SLC39A11: variants seen among roughly 807,000 people sequenced by gnomAD.
SLC39A11 encodes the protein solute carrier family 39 member 11, also known as zinc transporter ZIP11.
Under a neutral mutation model 36.1 loss-of-function variants are expected in SLC39A11, and 33 were observed. The observed-to-expected ratio is 0.91, with a 90% CI of 0.69 to 1.22. The LOEUF (loss-of-function observed/expected upper bound fraction) is 1.22. Among genes scored for constraint, SLC39A11 ranks in the 50% most tolerant of loss-of-function variants. SLC39A11 has a pLI of 0.00. For synonymous variants in SLC39A11, 166 were observed against 170.3 expected (o/e 0.97, Z 0.20); for missense variants, 432 against 430.3 (o/e 1.00, Z -0.03).
At chr17:72,814,664 T>C (rs2077527811) in intron 6 of SLC39A11, among the ~76,000 whole-genome samples, 1 of 152,200 alleles carries the variant, frequency 6.6e-6, no homozygotes. Flanking sequence ...AAACAAGCTA[T>C]AAAGGTTAAC....
chr17:72,812,743 T>C (rs1365155902), intron 6 of SLC39A11, among the ~76,000 whole-genome samples: 3 of 152,190 alleles, frequency 2.0e-5, no homozygotes, highest in Non-Finnish European at 4.4e-5. Context: ...AAAACTACAA[T>C]GACAAATAAA....
At chr17:72,838,783 GA>G (rs2078682021) in intron 6 of SLC39A11, among the ~76,000 whole-genome samples, 1 of 152,136 alleles carries the variant, frequency 6.6e-6, no homozygotes, top group Non-Finnish European at 1.5e-5. Flanking sequence ...TTGAGAAAAA[GA>G]ATGTCAGCTA....
At chr17:73,086,256 T>C (rs1445462531) in intron 2 of SLC39A11, among the ~76,000 whole-genome samples, 3 of 152,200 alleles carry the variant, frequency 2.0e-5, no homozygotes, top group African/African-American at 7.2e-5. Flanking sequence ...TGCATACTTA[T>C]ATTAGGTTGG....
At chr17:72,722,687 T>C (rs995360130) in intron 7 of SLC39A11, among the ~76,000 whole-genome samples, 3 of 151,780 alleles carry the variant, frequency 2.0e-5, no homozygotes, top group African/African-American at 7.3e-5. Flanking sequence ...CAGGCTGGAG[T>C]ACAATGGCAC....
chr17:72,742,866 C>G (rs1467353737), intron 6 of SLC39A11, among the ~76,000 whole-genome samples: 9 of 152,172 alleles, frequency 5.9e-5, no homozygotes, highest in Non-Finnish European at 1.5e-5. Flanking sequence ...GGGCTCAAGT[C>G]ATCATTAGGA....
At chr17:72,919,424 T>C (rs2083511987) in intron 5 of SLC39A11, among the ~76,000 whole-genome samples, 1 of 151,938 alleles carries the variant, frequency 6.6e-6, no homozygotes, top group African/African-American at 2.4e-5. Flanking sequence ...CAACGATGAA[T>C]AGCGTAGAGG....
rs192089938 is a variant in SLC39A11 at position 72,740,287 on chromosome 17, G to A, written c.602-3568C>T. Reference sequence around the variant, plus strand: ...ACACCGTGTTAGCCAGGATGGTCTTGATCTCCTGACCTCGTGATCTGCCCA... The same window carrying A: ...ACACCGTGTTAGCCAGGATGGTCTTAATCTCCTGACCTCGTGATCTGCCCA... On this transcript the variant is annotated intron_variant, in intron 6 of 9. Coordinates refer to ENST00000255559, the MANE Select transcript of SLC39A11 (RefSeq NM_139177.4). Among the ~76,000 whole-genome samples, 32 of 151,956 alleles carry A rather than the reference G, an allele frequency of 2.1e-4. No individual in the cohort carries two copies. The East Asian group carries it at 6.2e-3, about 30-fold the overall frequency.
At chr17:72,763,317 C>T (rs1315739654) in intron 6 of SLC39A11, among the ~76,000 whole-genome samples, 1 of 152,156 alleles carries the variant, frequency 6.6e-6, no homozygotes, top group Non-Finnish European at 1.5e-5. Flanking sequence ...TGCTATTTAA[C>T]AATGTTTAAA....
intron 6 of SLC39A11, among the ~76,000 whole-genome samples, chr17:72,847,403 TAAAAAA>T (rs5821924): frequency 7.1e-6 from 1 of 141,474 alleles, no homozygotes; most frequent in African/African-American, 2.6e-5. Context: ...CTCTGTCTCA[TAAAAAA>T]AAAAAAAAAA....
chr17:72,999,378 A>G (rs888517578), intron 4 of SLC39A11, among the ~76,000 whole-genome samples: 43 of 152,236 alleles, frequency 2.8e-4, no homozygotes, highest in Middle Eastern at 3.4e-3. Context: ...TTAATTAAAA[A>G]CCAGACTGGG....
intron 6 of SLC39A11, among the ~76,000 whole-genome samples, chr17:72,819,834 A>G (rs2145528875): frequency 6.6e-6 from 1 of 151,434 alleles, no homozygotes; most frequent in Admixed American, 6.6e-5. Flanking sequence ...ATGAAGCTAG[A>G]CAGTGGTCAA....
intron 6 of SLC39A11, among the ~76,000 whole-genome samples, chr17:72,844,138 G>A (rs2078946232): frequency 6.6e-6 from 1 of 152,146 alleles, no homozygotes; most frequent in Non-Finnish European, 1.5e-5. Context: ...CACTATAAAG[G>A]ATAGTGTTAA....
At chr17:73,021,316 A>T (rs1164777351) in intron 4 of SLC39A11, among the ~76,000 whole-genome samples, 1 of 152,048 alleles carries the variant, frequency 6.6e-6, no homozygotes, top group African/African-American at 2.4e-5. Context: ...GATTAGATGC[A>T]TACTCAGTTC....
chr17:73,053,887 C>T (rs2059584861), intron 3 of SLC39A11, among the ~76,000 whole-genome samples: 2 of 152,206 alleles, frequency 1.3e-5, no homozygotes, highest in Admixed American at 1.3e-4. Context: ...AATGAGTTTA[C>T]ATTCAATTAG....
chr17:72,791,373 A>T (rs1361676337), intron 6 of SLC39A11, among the ~76,000 whole-genome samples: 2 of 152,156 alleles, frequency 1.3e-5, no homozygotes, highest in Non-Finnish European at 2.9e-5. Flanking sequence ...AATCGCTTGA[A>T]CCTGGGAGGC....
At chr17:72,963,452 G>A (rs1208073835) in intron 4 of SLC39A11, among the ~76,000 whole-genome samples, 5 of 151,952 alleles carry the variant, frequency 3.3e-5, no homozygotes, top group Non-Finnish European at 5.9e-5. Flanking sequence ...TTACAGGCGT[G>A]AGCCACCGCG....
chr17:72,736,779 C>T (rs1216785401), intron 6 of SLC39A11, 60 bp from the exon 7 acceptor site: 3 of 1,309,682 alleles, frequency 2.3e-6, no homozygotes, highest in East Asian at 4.6e-5. Flanking sequence ...AGGAACATCA[C>T]CATCACTGTC....
At chr17:72,868,618 C>CAAAAAAAAAAAAAAAAAAAAAAAAAA (rs71354894) in intron 5 of SLC39A11, among the ~76,000 whole-genome samples, 2 of 56,462 alleles carry the variant, frequency 3.5e-5, no homozygotes, top group African/African-American at 6.7e-5. Context: ...CCTGTCTCTA[C>CAAAAAAAAAAAAAAAAAAAAAAAAAA]AAAAAAAAAA....
At chr17:72,817,542 C>CA (rs1233207269) in intron 6 of SLC39A11, among the ~76,000 whole-genome samples, 1 of 152,002 alleles carries the variant, frequency 6.6e-6, no homozygotes, top group African/African-American at 2.4e-5. Flanking sequence ...TTGGCAGAGC[C>CA]AAAAAACCCA....
Sources: allele counts gnomAD v4.1 joint callset (sites outside exome capture counted in the v4.1 genomes callset), GRCh38; gene constraint gnomAD v4.1.1; transcripts MANE v1.5; gene names NCBI Gene and HGNC (gene_info 2026-07-23, HGNC 2026-07-21).